Variants in GRID1 observed in about 807,000 individuals in gnomAD.
GRID1 encodes the protein glutamate ionotropic receptor delta type subunit 1.
In GRID1, 28 loss-of-function variants were observed where a neutral mutation model predicts 98.0. The ratio of observed to expected loss-of-function variants is 0.29; its 90% CI spans 0.21 to 0.39. The LOEUF (loss-of-function observed/expected upper bound fraction) is 0.39. Among genes scored for constraint, GRID1 ranks in the 10% least tolerant of loss-of-function variants. GRID1 has a pLI of 1.00. For synonymous variants in GRID1, 553 were observed against 538.5 expected, an observed-to-expected ratio of 1.03 and a Z score of -0.37; for missense variants, 1,111 against 1,340.5, an observed-to-expected ratio of 0.83 and a Z score of 2.67.
intron 13 of GRID1, among the ~76,000 whole-genome samples, chr10:85,643,716 A>C (rs1185119517): frequency 6.6e-6 from 1 of 152,036 alleles, no homozygotes; most frequent in African/African-American, 2.4e-5. Context: ...TAGTGCTGGC[A>C]GTCAGTTTTT....
intron 5 of GRID1, among the ~76,000 whole-genome samples, chr10:85,869,897 A>T (rs1843259977): frequency 6.6e-6 from 1 of 152,190 alleles, no homozygotes; most frequent in Non-Finnish European, 1.5e-5. Context: ...ACAACATCCC[A>T]TCCTGGTATG....
chr10:86,362,889 C>T (rs1432430107), intron 2 of GRID1, among the ~76,000 whole-genome samples: 7 of 152,368 alleles, frequency 4.6e-5, no homozygotes, highest in Non-Finnish European at 1.0e-4. Flanking sequence ...CACCCACTGC[C>T]CCCTCTACAC....
chr10:86,043,267 G>A (rs1345490020), intron 4 of GRID1, among the ~76,000 whole-genome samples: 1 of 152,110 alleles, frequency 6.6e-6, no homozygotes, highest in African/African-American at 2.4e-5. Flanking sequence ...ACCAGCCCTT[G>A]TCCTCCATCT....
chr10:85,797,910 C>T (rs1842540512), intron 8 of GRID1, among the ~76,000 whole-genome samples: 1 of 152,142 alleles, frequency 6.6e-6, no homozygotes, highest in South Asian at 2.1e-4. Flanking sequence ...GACATGATTT[C>T]ATTCTTTTTT....
intron 5 of GRID1, among the ~76,000 whole-genome samples, chr10:85,905,119 T>C (rs1467021371): frequency 6.7e-6 from 1 of 150,338 alleles, no homozygotes; most frequent in Non-Finnish European, 1.5e-5. Context: ...AGAAGAAACA[T>C]TAAAAGAAAC....
intron 3 of GRID1, among the ~76,000 whole-genome samples, chr10:86,201,341 C>G (rs1845947624): frequency 6.6e-6 from 1 of 152,148 alleles, no homozygotes; most frequent in African/African-American, 2.4e-5. Flanking sequence ...ATATGAGTCG[C>G]AAACCAACCA....
chr10:86,333,427 G>C (rs1414400722), intron 2 of GRID1, among the ~76,000 whole-genome samples: 1 of 152,216 alleles, frequency 6.6e-6, no homozygotes, highest in African/African-American at 2.4e-5. Flanking sequence ...GGAACATTTT[G>C]AGGAAAGGAG....
intron 8 of GRID1, among the ~76,000 whole-genome samples, chr10:85,789,789 G>C (rs1564591508): frequency 1.3e-5 from 2 of 152,058 alleles, no homozygotes; most frequent in African/African-American, 4.8e-5. Context: ...GCAGGGGGTG[G>C]GTCCTGAACA....
At chr10:86,363,313 G>A (rs1231187359) in intron 2 of GRID1, among the ~76,000 whole-genome samples, 1 of 152,174 alleles carries the variant, frequency 6.6e-6, no homozygotes, top group East Asian at 1.9e-4. Context: ...GGCGAACAGC[G>A]CCCACCTCCG....
chr10:86,360,519 A>G (rs968432114), intron 2 of GRID1, among the ~76,000 whole-genome samples: 1 of 152,238 alleles, frequency 6.6e-6, no homozygotes. Context: ...TCAGGGAAAA[A>G]AGTAAGAGCT....
chr10:85,893,874 G>C (rs55676705), intron 5 of GRID1, among the ~76,000 whole-genome samples: 10,445 of 152,222 alleles, frequency 0.069, 464 homozygotes, highest in Middle Eastern at 0.15. Context: ...GAAATGCAGG[G>C]CCTCAACTAG....
chr10:86,311,919 C>A (rs751077525), intron 2 of GRID1, among the ~76,000 whole-genome samples: 1 of 152,206 alleles, frequency 6.6e-6, no homozygotes, highest in Non-Finnish European at 1.5e-5. Context: ...GATTTTGAAA[C>A]CCTTGATCTA....
At chr10:86,132,199 G>A (rs1235666205) in intron 4 of GRID1, among the ~76,000 whole-genome samples, 2 of 152,054 alleles carry the variant, frequency 1.3e-5, no homozygotes, top group African/African-American at 2.4e-5. Context: ...AGCACTCAGG[G>A]GCTTTGGAAA....
At chr10:85,904,905 G>C (rs1841438728) in intron 5 of GRID1, among the ~76,000 whole-genome samples, 2 of 152,082 alleles carry the variant, frequency 1.3e-5, no homozygotes, top group Admixed American at 1.3e-4. Context: ...TCTCAAGTAA[G>C]AGGATATGGA....
intron 12 of GRID1, among the ~76,000 whole-genome samples, chr10:85,692,192 T>C (rs964439822): frequency 6.6e-6 from 1 of 152,100 alleles, no homozygotes; most frequent in African/African-American, 2.4e-5. Flanking sequence ...GTCCGTTCAT[T>C]TATGAATTTA....
intron 4 of GRID1, among the ~76,000 whole-genome samples, chr10:85,988,895 T>C (rs1486417649): frequency 6.6e-6 from 1 of 152,002 alleles, no homozygotes; most frequent in African/African-American, 2.4e-5. Context: ...GGTCACAGAG[T>C]CACAGATCCC....
intron 2 of GRID1, among the ~76,000 whole-genome samples, chr10:86,330,989 G>A (rs2132102471): frequency 6.6e-6 from 1 of 152,270 alleles, no homozygotes; most frequent in East Asian, 1.9e-4. Context: ...GGAACAGGAA[G>A]GGCAGGCTGC....
In GRID1 at chr10:85,613,494, C is replaced by T; in HGVS notation, c.2514G>A (p.Leu838=). The change falls in exon 15 of 16, where the codon CTG becomes CTA. Residue 838 remains leucine, a synonymous_variant. Coordinates refer to ENST00000327946, the MANE Select transcript of GRID1 (RefSeq NM_017551.3). ...GGCAGGCCAGGAGCAGGCCAATGGC[C>T]AGGATGCAGAAGACCCCGGCGAAGC... ...LHSFAGVFCI[L]AIGLLLACLV... is the part of the protein sequence containing the mutation. The T allele has an allele frequency of 6.2e-7, 1 of 1,614,134 alleles. No homozygotes were observed. The highest frequency in any genetic ancestry group is 8.5e-7 in the Non-Finnish European group (1 of 1,180,046).
chr10:86,039,769 T>A (rs944553787), intron 4 of GRID1, among the ~76,000 whole-genome samples: 11 of 152,230 alleles, frequency 7.2e-5, no homozygotes, highest in African/African-American at 2.4e-4. Flanking sequence ...ATTTTTGGTC[T>A]CAGCTCCAAA....
Sources: allele counts gnomAD v4.1 joint callset (sites outside exome capture counted in the v4.1 genomes callset), GRCh38; gene constraint gnomAD v4.1.1; transcripts MANE v1.5; gene names NCBI Gene and HGNC (gene_info 2026-07-23, HGNC 2026-07-21).